DNAH11: variants seen among roughly 807,000 people sequenced by gnomAD.
The protein encoded by DNAH11 is dynein axonemal heavy chain 11.
A neutral mutation model predicts 526.0 loss-of-function variants in DNAH11; 442 were observed. The observed-to-expected ratio is 0.84, with a 90% CI of 0.78 to 0.91. The LOEUF is 0.91. Among genes scored for constraint, DNAH11 ranks in the 40% least tolerant of loss-of-function variants. DNAH11 has a pLI of 0.00. For synonymous variants in DNAH11, 2,461 were observed against 1,935.9 expected, an observed-to-expected ratio of 1.27 and a Z score of -7.12; for missense variants, 6,989 against 5,448.7, an observed-to-expected ratio of 1.28 and a Z score of -8.90.
rs751343231 is a variant in DNAH11, at chr7:21,570,202, G to A, written c.1328G>A (p.Ser443Asn). The change falls in exon 7 of 82, where the codon AGC (serine) becomes AAC (asparagine). Residue 443 changes from serine to asparagine, a missense_variant. Coordinates refer to ENST00000409508, the MANE Select transcript of DNAH11 (RefSeq NM_001277115.2). ...TTCAACTATAGAAAAAAATTGGCAA[G>A]CTACTTTATGGGAAGAAAGCTGAGA... ...SFFNYRKKLASYFMGRKLRPW... is the reference protein window; with the variant it reads ...SFFNYRKKLANYFMGRKLRPW... 5.3e-5 allele frequency: 85 copies of A among 1,613,334 alleles called. 3 individuals carry two copies. The South Asian group carries it at 8.7e-4, about 16-fold the overall frequency.
At chr7:21,740,575 T>C (rs1014137791) in intron 48 of DNAH11, among the ~76,000 whole-genome samples, 2 of 152,200 alleles carry the variant, frequency 1.3e-5, no homozygotes, top group Non-Finnish European at 2.9e-5. Flanking sequence ...TAAGACCGAG[T>C]CATATTCTAG....
In DNAH11 at chr7:21,543,125, T is replaced by G; in HGVS notation, c.-121T>G. The stretch of plus-strand genomic sequence containing the variant: ...TAGCAGCAGGTGGGAGACTAGGGTC[T>G]GCGCTCGCGGCGACCGCGGAGGAGG... On this transcript the variant is annotated 5_prime_UTR_variant, in exon 1 of 82. Transcript: ENST00000409508. 7.0e-7 allele frequency: 1 copy of G among 1,432,966 alleles called. No individual in the cohort carries two copies. Among genetic ancestry groups the G allele is most frequent in the Non-Finnish European group, 9.1e-7 (1 of 1,100,830 alleles). 88.8% of individuals were successfully genotyped at this position (1,432,966 alleles called of 1,614,324 possible).
chr7:21,554,420 C>T (rs1052925729), intron 2 of DNAH11, among the ~76,000 whole-genome samples: 1 of 152,052 alleles, frequency 6.6e-6, no homozygotes, highest in East Asian at 1.9e-4. Context: ...GGTGATCTAC[C>T]CATCTCGGCC....
chr7:21,718,573 G>A (rs2965411), intron 43 of DNAH11, among the ~76,000 whole-genome samples: 12,286 of 152,066 alleles, frequency 0.081, 1,243 homozygotes, highest in East Asian at 0.34. Context: ...GTAAGAGTGA[G>A]GGTTACACAT....
At chr7:21,664,899 G>A (rs1036646499) in intron 30 of DNAH11, among the ~76,000 whole-genome samples, 1 of 152,078 alleles carries the variant, frequency 6.6e-6, no homozygotes, top group African/African-American at 2.4e-5. Context: ...GAGTATGAGA[G>A]GCACAACTGA....
intron 44 of DNAH11, among the ~76,000 whole-genome samples, chr7:21,723,861 C>T (rs1410603751): frequency 2.0e-5 from 3 of 152,050 alleles, no homozygotes. Context: ...GATGCCTTCC[C>T]TGAACATCCA....
chr7:21,832,186 TTAA>T (rs1409837185), intron 65 of DNAH11, among the ~76,000 whole-genome samples: 1 of 152,128 alleles, frequency 6.6e-6, no homozygotes, highest in African/African-American at 2.4e-5. Flanking sequence ...ACATTTAAGG[TTAA>T]TATTGTTATG....
chr7:21,791,452 T>C (rs1263980101), intron 61 of DNAH11, among the ~76,000 whole-genome samples: 1 of 152,222 alleles, frequency 6.6e-6, no homozygotes, highest in Non-Finnish European at 1.5e-5. Context: ...GTTTAAGTCA[T>C]GAGCAAAAGG....
chr7:21,853,082 C>T (rs1473165777), intron 67 of DNAH11, among the ~76,000 whole-genome samples: 1 of 152,156 alleles, frequency 6.6e-6, no homozygotes, highest in African/African-American at 2.4e-5. Flanking sequence ...AGGATAATCT[C>T]CTGCTGTACT....
At position 21,600,861 on chromosome 7, in the gene DNAH11, T is replaced by C. The variant is rs1785055619; in HGVS notation, c.3186T>C (p.Asp1062=). The C allele has an allele frequency of 1.1e-5, 17 of 1,613,816 alleles. No homozygotes were observed. Among genetic ancestry groups the C allele is most frequent in the Non-Finnish European group, 1.4e-5 (16 of 1,179,870 alleles). Residue 1062 remains aspartate, a synonymous_variant, in exon 16 of 82, where the codon GAT becomes GAC. Coordinates refer to ENST00000409508, the MANE Select transcript of DNAH11 (RefSeq NM_001277115.2). ...FLLYGHAVSS[D]EMDAHANEEI... is the part of the protein sequence containing the mutation. Reference sequence around the variant, plus strand: ...TGTATGGCCATGCTGTGTCTTCCGATGAAATGGATGCTCATGCAAATGAAG... The same window carrying C: ...TGTATGGCCATGCTGTGTCTTCCGACGAAATGGATGCTCATGCAAATGAAG...
In DNAH11 at chr7:21,899,985, A is replaced by G. The variant is rs893263718; in HGVS notation, c.13168A>G (p.Met4390Val). ...FNPQSFLTAI[M>V]QTMARKNEWP... ...TTTTTGTTATATTTCCAAAGCAATC[A>G]TGCAGACGATGGCTCGAAAAAATGA... The change falls in exon 81 of 82, where the codon ATG becomes GTG. Residue 4390 changes from methionine (M) to valine (V), a missense_variant. Physicochemically the swap from Met to Val is conservative, Grantham distance 21. Transcript: ENST00000409508. 3.7e-6 allele frequency: 6 copies of G among 1,613,768 alleles called. No individual in the cohort carries two copies. Among genetic ancestry groups the G allele is most frequent in the Non-Finnish European group, 5.1e-6 (6 of 1,179,834 alleles).
intron 5 of DNAH11, among the ~76,000 whole-genome samples, chr7:21,562,103 C>G (rs971370263): frequency 7.9e-5 from 12 of 152,176 alleles, no homozygotes; most frequent in African/African-American, 2.9e-4. Context: ...TTTGCTAAGC[C>G]TCTGGTTTTT....
Position 21,748,602 on chromosome 7 carries a change from C to T in DNAH11, c.8533C>T (p.Arg2845Ter), listed in dbSNP as rs121908854. The T allele has an allele frequency of 3.2e-6, 5 of 1,552,164 alleles. No homozygotes were observed. Among genetic ancestry groups the T allele is most frequent in the Admixed American group, 3.8e-5 (2 of 52,100 alleles). ...CAGGTGTCGCATCAGCCGGATCTTA[C>T]GAACCCCTCAGGGCTGTGCTCTCTT... ...QHVCRISRIL[R>*]TPQGCALLVG... The change falls in exon 52 of 82, where the codon CGA becomes TGA. Residue 2845 changes from arginine to a stop codon, truncating the protein, a stop_gained. Coordinates refer to ENST00000409508, the MANE Select transcript of DNAH11 (RefSeq NM_001277115.2). LOFTEE classifies it high-confidence loss of function.
intron 44 of DNAH11, among the ~76,000 whole-genome samples, chr7:21,723,138 C>T (rs1017048433): frequency 1.3e-5 from 2 of 152,204 alleles, no homozygotes; most frequent in African/African-American, 4.8e-5. Context: ...GAAACAGACA[C>T]AATAAATGTT....
chr7:21,758,250 G>C (rs918672484), intron 54 of DNAH11, among the ~76,000 whole-genome samples: 60 of 152,172 alleles, frequency 3.9e-4, no homozygotes, highest in African/African-American at 1.4e-3. Context: ...TTTGACATAA[G>C]TAGAATGAAA....
chr7:21,574,920 G>C (rs570960464), intron 8 of DNAH11, among the ~76,000 whole-genome samples: 217 of 111,894 alleles, frequency 1.9e-3, no homozygotes, highest in Middle Eastern at 0.011. Context: ...TGTCACCCAA[G>C]TTGGAGTGCA....
chr7:21,826,222 A>G lies in DNAH11; in HGVS notation c.10691+7883A>G, dbSNP rs1200307007. Among the ~76,000 whole-genome samples, 4 of 152,132 alleles carry G rather than the reference A, an allele frequency of 2.6e-5. No homozygotes were observed. In the East Asian group the frequency reaches 7.7e-4, roughly 29 times the overall value. On this transcript the variant is annotated intron_variant, in intron 65 of 81. Transcript: ENST00000409508. ...ATTTTGATATTTTTGTTACTGCATT[A>G]TTTTTGCCTGATAAGAAGTATCTTT... is the stretch of plus-strand genomic sequence containing the variant.
At position 21,811,268 on chromosome 7, in the gene DNAH11, G is replaced by A. The variant is rs1352373801; in HGVS notation, c.10332+3219G>A. 2.6e-5 allele frequency among the ~76,000 whole-genome samples: 4 copies of A among 151,584 alleles called. No homozygotes were observed. The South Asian group carries it at 8.3e-4, about 32-fold the overall frequency. ...ACTTGAGGTCAGGAGTTCAAGACCA[G>A]CCTGGCCAACATGGTGAAACCCCCC... On this transcript the variant is annotated intron_variant, in intron 63 of 81. Coordinates refer to ENST00000409508, the MANE Select transcript of DNAH11 (RefSeq NM_001277115.2).
intron 65 of DNAH11, among the ~76,000 whole-genome samples, chr7:21,820,742 C>A (rs1487136165): frequency 6.6e-6 from 1 of 152,088 alleles, no homozygotes; most frequent in Non-Finnish European, 1.5e-5. Context: ...ACTCAAGGGG[C>A]CTGTTTTTAT....
Sources: allele counts gnomAD v4.1 joint callset (sites outside exome capture counted in the v4.1 genomes callset), GRCh38; gene constraint gnomAD v4.1.1; transcripts MANE v1.5; gene names NCBI Gene and HGNC (gene_info 2026-07-23, HGNC 2026-07-21).